PDCD11: variants seen among roughly 807,000 people sequenced by gnomAD.
The protein encoded by PDCD11 is protein RRP5 homolog.
PDCD11 carries 97 observed loss-of-function variants against 198.9 expected under a neutral mutation model. The observed-to-expected ratio is 0.49, with a 90% CI of 0.41 to 0.58. PDCD11 has a LOEUF of 0.58. PDCD11 is among the 20% of genes least tolerant of loss of function. The probability of loss-of-function intolerance (pLI) is 0.00; values close to 1 mark genes in which losing one functional copy is unlikely to be tolerated. For synonymous variants in PDCD11, 893 were observed against 918.0 expected, an observed-to-expected ratio of 0.97 and a Z score of 0.49; for missense variants, 2,102 against 2,312.7, an observed-to-expected ratio of 0.91 and a Z score of 1.87.
rs2032083147 is a variant in PDCD11, at chr10:103,434,838, A to T, written c.3708A>T (p.Arg1236=). 5 of 1,612,028 alleles carry T rather than the reference A, an allele frequency of 3.1e-6. No homozygotes were observed. Among genetic ancestry groups the T allele is most frequent in the Non-Finnish European group, 4.2e-6 (5 of 1,179,194 alleles). The part of the protein sequence containing the change: ...KLEEGEVAMG[R]VVKVTPNEGL... ...AGGAAGGGGAAGTGGCCATGGGCCG[A>T]GTGGTGAAGGTGACTCCCAACGAGG... is the stretch of plus-strand genomic sequence containing the variant. The change falls in exon 25 of 36, where the codon CGA becomes CGT. Residue 1236 remains arginine, a synonymous_variant. Transcript: ENST00000369797.
intron 28 of PDCD11, 132 bp downstream of exon 28, chr10:103,440,000 C>A (rs147901824): frequency 5.3e-6 from 6 of 1,141,916 alleles, no homozygotes; most frequent in Non-Finnish European, 5.0e-6. Flanking sequence ...GAATAAAAGG[C>A]CTTTGTTTGG....
In PDCD11 at chr10:103,427,415, G is replaced by C. The variant is rs775156498; in HGVS notation, c.3368+24G>C. 10 of 1,590,140 alleles carry C rather than the reference G, an allele frequency of 6.3e-6. No individual in the cohort carries two copies. The South Asian group carries it at 1.1e-4, about 18-fold the overall frequency. ...AGGTGAGGGGGACATTAGCAGCACT[G>C]TCTTACGGAAAGAGCACTGGGCTTT... On this transcript the variant is annotated intron_variant, in intron 21 of 35. Coordinates refer to ENST00000369797, the MANE Select transcript of PDCD11 (RefSeq NM_014976.2).
At chr10:103,405,943 A>G in intron 5 of PDCD11, 42 bp from the exon 6 acceptor site, 4 of 1,605,732 alleles carry the variant, frequency 2.5e-6, no homozygotes, top group Non-Finnish European at 2.6e-6. Context: ...GTGTCCCATT[A>G]CCTTTGAATT....
At position 103,439,873 on chromosome 10, in the gene PDCD11, G is replaced by C; in HGVS notation, c.4148+5G>C. 1 of 1,614,166 alleles carries C rather than the reference G, an allele frequency of 6.2e-7. No homozygotes were observed. Among genetic ancestry groups the C allele is most frequent in the Non-Finnish European group, 8.5e-7 (1 of 1,180,014 alleles). On this transcript the variant is annotated splice_donor_5th_base_variant and intron_variant, in intron 28 of 35. Coordinates refer to ENST00000369797, the MANE Select transcript of PDCD11 (RefSeq NM_014976.2). The stretch of plus-strand genomic sequence containing the variant: ...GCTCACAGCCAGGGTCCTACGGTAG[G>C]TGCCTTCCCGTTCTCTCTCTCTCTG...
chr10:103,444,866 T>C (rs888741655), intron 35 of PDCD11, among the ~76,000 whole-genome samples, 184 bp downstream of exon 35: 1 of 152,264 alleles, frequency 6.6e-6, no homozygotes, highest in Non-Finnish European at 1.5e-5. Flanking sequence ...GCATCTGGTC[T>C]GTGTCTGAAA....
chr10:103,440,609 C>A, intron 29 of PDCD11, 28 bp downstream of exon 29: 1 of 1,608,426 alleles, frequency 6.2e-7, no homozygotes, highest in Non-Finnish European at 8.5e-7. Flanking sequence ...GCTGTGGCTG[C>A]CTATCCTCCT....
At position 103,414,009 on chromosome 10, in the gene PDCD11, C is replaced by T. The variant is rs2133696999; in HGVS notation, c.1229C>T (p.Ala410Val). 6.2e-7 allele frequency: 1 copy of T among 1,613,496 alleles called. No homozygotes were observed. Among genetic ancestry groups the T allele is most frequent in the Non-Finnish European group, 8.5e-7 (1 of 1,179,710 alleles). ...SDSKNVFNPE[A>V]FKPGNTHKCR... is the part of the protein sequence containing the mutation. Reference sequence around the variant, plus strand: ...TCTAAGAACGTCTTCAATCCTGAGGCCTTCAAGCCAGGGAACACTCACAAG... The same window carrying T: ...TCTAAGAACGTCTTCAATCCTGAGGTCTTCAAGCCAGGGAACACTCACAAG... Residue 410 changes from alanine (A) to valine (V), a missense_variant, in exon 10 of 36, where the codon GCC becomes GTC. Ala to Val is a moderately conservative substitution (Grantham distance 64, BLOSUM62 0). Transcript: ENST00000369797.
chr10:103,416,420 G>A lies in PDCD11; in HGVS notation c.1519-71G>A, dbSNP rs533321434. ...GGCCCCGTGGCTTTTGGGTTTAAGA[G>A]GTTGCAGAGACCAGCTCAGTGGCTC... On this transcript the variant is annotated intron_variant, in intron 12 of 35. Coordinates refer to ENST00000369797, the MANE Select transcript of PDCD11 (RefSeq NM_014976.2). 30 of 1,548,720 alleles carry A rather than the reference G, an allele frequency of 1.9e-5. 1 individual carries two copies. In the South Asian group the frequency reaches 3.5e-4, roughly 18 times the overall value.
intron 9 of PDCD11, among the ~76,000 whole-genome samples, chr10:103,413,736 A>G (rs1442611050): frequency 6.6e-6 from 1 of 152,234 alleles, no homozygotes; most frequent in Non-Finnish European, 1.5e-5. Flanking sequence ...ATTTACAAAA[A>G]CAGGCACTAG....
At position 103,421,462 on chromosome 10, in the gene PDCD11, C is replaced by T. The variant is rs753423422; in HGVS notation, c.2392C>T (p.Arg798Trp). 19 of 1,602,446 alleles carry T rather than the reference C, an allele frequency of 1.2e-5. No individual in the cohort carries two copies. Among genetic ancestry groups the T allele is most frequent in the South Asian group, 4.5e-5 (4 of 88,894 alleles). Residue 798 changes from arginine to tryptophan, a missense_variant, in exon 17 of 36, where the codon CGG becomes TGG. By Grantham distance (101) the Arg-to-Trp change is moderately radical. Coordinates refer to ENST00000369797, the MANE Select transcript of PDCD11 (RefSeq NM_014976.2). ...GAAGCAGCGGATGCTGCTGTCACTG[C>T]GGCTGTCGGACTGTGGTCTGGGGGA... ...EEKQRMLLSL[R>W]LSDCGLGDLA...
At chr10:103,433,903 CTTGTAT>C in intron 22 of PDCD11, 39 bp from the exon 23 acceptor site, 1 of 1,444,402 alleles carries the variant, frequency 6.9e-7, no homozygotes. Flanking sequence ...GGCGGGAAAC[CTTGTAT>C]TTGTATTTGC....
chr10:103,417,492 C>T (rs2031174789), intron 13 of PDCD11, among the ~76,000 whole-genome samples: 1 of 152,246 alleles, frequency 6.6e-6, no homozygotes, highest in Non-Finnish European at 1.5e-5. Context: ...TATTTCAATA[C>T]ATGCTTACAA....
chr10:103,403,749 G>A (rs1564755710), intron 4 of PDCD11, among the ~76,000 whole-genome samples: 1 of 150,800 alleles, frequency 6.6e-6, no homozygotes, highest in Non-Finnish European at 1.5e-5. Context: ...AAGTTGCTTA[G>A]AGACAAGTTA....
rs1480360851 is a variant in PDCD11, at chr10:103,405,194, A to G, written c.564+11A>G. 3.1e-6 allele frequency: 5 copies of G among 1,612,120 alleles called. No homozygotes were observed. Among genetic ancestry groups the G allele is most frequent in the Middle Eastern group, 2.0e-4 (1 of 5,098 alleles). On this transcript the variant is annotated intron_variant, in intron 5 of 35. Transcript: ENST00000369797. ...CTGAAGCCTGGCATGGTAGGTGTCT[A>G]GGGTCGGGGAGGAAGAGTGGCAATG...
chr10:103,416,879 A>C, intron 13 of PDCD11, 137 bp downstream of exon 13: 1 of 956,710 alleles, frequency 1.0e-6, no homozygotes, highest in East Asian at 2.4e-5. Context: ...GAGCCGGCTA[A>C]ATGGAGGAGA....
Position 103,445,880 on chromosome 10 carries a change from C to T in PDCD11, c.*331C>T, listed in dbSNP as rs896366267. 2 of 249,252 alleles carry T rather than the reference C, an allele frequency of 8.0e-6. No homozygotes were observed. Among genetic ancestry groups the T allele is most frequent in the Non-Finnish European group, 7.9e-6 (1 of 127,356 alleles). The allele number at this position is 249,252 out of a possible 1,614,324, so 15.4% of individuals were successfully genotyped here. A position where few individuals can be genotyped will look rare whatever the true frequency, so the allele number is the denominator to read the frequency against. ...GGAGCAAGAGTAGAGGGGCTATTCC[C>T]GAGGGTCCTGTGGTCAGGGTCCTGC... On this transcript the variant is annotated 3_prime_UTR_variant, in exon 36 of 36. Transcript: ENST00000369797.
chr10:103,431,036 G>T (rs2031912614), intron 21 of PDCD11, among the ~76,000 whole-genome samples: 1 of 151,880 alleles, frequency 6.6e-6, no homozygotes, highest in African/African-American at 2.4e-5. Flanking sequence ...CTGACCTTAG[G>T]TGATCCACCC....
At chr10:103,427,477 C>T in intron 21 of PDCD11, 86 bp downstream of exon 21, 1 of 1,128,780 alleles carries the variant, frequency 8.9e-7, no homozygotes, top group South Asian at 1.4e-5. Flanking sequence ...TTGATTTTAC[C>T]AGTGTTAGGA....
At position 103,439,743 on chromosome 10, in the gene PDCD11, C is replaced by T. The variant is rs758848897; in HGVS notation, c.4026-3C>T. 3.7e-6 allele frequency: 6 copies of T among 1,614,184 alleles called. No individual in the cohort carries two copies. In the Admixed American group the frequency reaches 1.0e-4, roughly 27 times the overall value. On this transcript the variant is annotated splice_region_variant and splice_polypyrimidine_tract_variant and intron_variant, in intron 27 of 35. Transcript: ENST00000369797. ...CACAGGACTCTTGCCTCTCTCCTTT[C>T]AGCCTTGGCCCCTCCGTTGTGGGTT...
Sources: gnomAD v4.1 joint callset for allele counts (sites outside exome capture counted in the v4.1 genomes callset) on GRCh38, gnomAD v4.1.1 for gene constraint, MANE v1.5 for transcripts, NCBI Gene and HGNC (gene_info 2026-07-23, HGNC 2026-07-21) for gene names.